The following AKAP7 variants were observed in gnomAD, a reference collection of about 807,000 sequenced individuals.
AKAP7 encodes the protein A-kinase anchoring protein 7, also known as A kinase (PRKA) anchor protein 7.
Under a neutral mutation model 39.5 loss-of-function variants are expected in AKAP7, and 39 were observed. That is an observed-to-expected ratio of 0.99 (90% CI 0.76 to 1.29). The LOEUF is 1.29. Ranked by LOEUF, AKAP7 falls within the 50% of genes most tolerant of loss-of-function variation. AKAP7 has a pLI of 0.00. For missense variants in AKAP7, 414 were observed against 407.7 expected (o/e 1.02, Z -0.13); for synonymous variants, 140 against 139.1 (o/e 1.01, Z -0.05).
At chr6:131,149,724 A>G (rs1801768819) in intron 2 of AKAP7, among the ~76,000 whole-genome samples, 1 of 152,170 alleles carries the variant, frequency 6.6e-6, no homozygotes, top group African/African-American at 2.4e-5. Flanking sequence ...TTAGGAGAAA[A>G]TCCAGCTTAG....
intron 7 of AKAP7, among the ~76,000 whole-genome samples, chr6:131,232,251 G>A (rs1034301743): frequency 6.6e-6 from 1 of 152,176 alleles, no homozygotes; most frequent in Non-Finnish European, 1.5e-5. Flanking sequence ...TATTTCACGA[G>A]TTATTTGTGG....
the AKAP7 span, among the ~76,000 whole-genome samples, chr6:131,126,405 T>C: frequency 6.6e-6 from 1 of 152,218 alleles, no homozygotes; most frequent in Admixed American, 6.5e-5. Context: ...AAGTTTATGA[T>C]GCTAGAAGTA....
chr6:131,264,079 A>G (rs981900846), intron 7 of AKAP7, among the ~76,000 whole-genome samples: 2 of 152,072 alleles, frequency 1.3e-5, no homozygotes, highest in African/African-American at 2.4e-5. Flanking sequence ...TTTTTATGCC[A>G]TTAATTATAT....
At chr6:131,149,119 A>G (rs1242040508) in intron 2 of AKAP7, among the ~76,000 whole-genome samples, 1 of 152,202 alleles carries the variant, frequency 6.6e-6, no homozygotes, top group Non-Finnish European at 1.5e-5. Context: ...CGTTGCCTTC[A>G]GTGCGAATGT....
At chr6:131,148,560 A>G (rs1044952474) in intron 2 of AKAP7, among the ~76,000 whole-genome samples, 2 of 152,234 alleles carry the variant, frequency 1.3e-5, no homozygotes, top group African/African-American at 2.4e-5. Flanking sequence ...AATAACGAAT[A>G]AATGTTATTT....
In AKAP7 at chr6:131,177,526, G is replaced by T. The variant is rs1380561234; in HGVS notation, c.589+8253G>T. Among the ~76,000 whole-genome samples the T allele has an allele frequency of 2.6e-5, 4 of 152,130 alleles. No individual in the cohort carries two copies. The East Asian group carries it at 5.8e-4, about 22-fold the overall frequency. Reference sequence around the variant, plus strand: ...AGTGAGAACATACTCCTGATGTAAGGCATTCATCTATTTATGAGGGATCCA... The same window carrying T: ...AGTGAGAACATACTCCTGATGTAAGTCATTCATCTATTTATGAGGGATCCA... On this transcript the variant is annotated intron_variant, in intron 5 of 7. Coordinates refer to ENST00000431975, the MANE Select transcript of AKAP7 (RefSeq NM_016377.4).
chr6:131,237,745 G>A (rs934050513), intron 7 of AKAP7, among the ~76,000 whole-genome samples: 8 of 152,060 alleles, frequency 5.3e-5, no homozygotes, highest in East Asian at 1.9e-4. Flanking sequence ...TGGGATCAGC[G>A]GTGATATCCC....
At chr6:131,226,146 C>T (rs1290808324) in intron 7 of AKAP7, among the ~76,000 whole-genome samples, 1 of 152,168 alleles carries the variant, frequency 6.6e-6, no homozygotes, top group Non-Finnish European at 1.5e-5. Context: ...TCCCACTTAC[C>T]CTGTTGTTCT....
chr6:131,181,127 G>T (rs1415839355), intron 5 of AKAP7, among the ~76,000 whole-genome samples: 1 of 151,924 alleles, frequency 6.6e-6, no homozygotes, highest in Non-Finnish European at 1.5e-5. Context: ...GTAGAGACAG[G>T]GTTTCACCAT....
chr6:131,204,127 C>T (rs1374136960), intron 6 of AKAP7, among the ~76,000 whole-genome samples: 2 of 152,002 alleles, frequency 1.3e-5, no homozygotes, highest in African/African-American at 4.8e-5. Flanking sequence ...ATGCAACTGA[C>T]ATTAAAAAAA....
intron 6 of AKAP7, among the ~76,000 whole-genome samples, chr6:131,205,274 C>A (rs976925740): frequency 2.0e-5 from 3 of 151,948 alleles, no homozygotes; most frequent in Non-Finnish European, 4.4e-5. Context: ...AAATTAGATT[C>A]AAAGTCAGAG....
intron 7 of AKAP7, among the ~76,000 whole-genome samples, chr6:131,222,387 C>T (rs1002029032): frequency 8.6e-5 from 13 of 151,888 alleles, no homozygotes; most frequent in African/African-American, 3.1e-4. Flanking sequence ...ACTAGCCGGG[C>T]GTGGTGGCGG....
Sources: allele counts gnomAD v4.1 joint callset (sites outside exome capture counted in the v4.1 genomes callset), GRCh38; gene constraint gnomAD v4.1.1; transcripts MANE v1.5; gene names NCBI Gene and HGNC (gene_info 2026-07-23, HGNC 2026-07-21).